Variants in GPR160 observed in about 807,000 individuals in gnomAD.
The protein encoded by GPR160 is probable G protein-coupled receptor 160.
Under a neutral mutation model 2.6 loss-of-function variants are expected in GPR160, and 2 were observed. The observed-to-expected ratio is 0.77, with a 90% confidence interval of 0.32 to 2.44. The LOEUF is 2.44. Ranked by LOEUF, GPR160 falls within the 30% of genes most tolerant of loss-of-function variation. GPR160 has a pLI of 0.11. For synonymous variants in GPR160, 130 were observed against 132.2 expected, an observed-to-expected ratio of 0.98 and a Z score of 0.12; for missense variants, 351 against 383.6, an observed-to-expected ratio of 0.91 and a Z score of 0.71.
chr3:170,084,850 GGTTT>G lies in GPR160; in HGVS notation c.879_882del (p.Trp293Ter). ...AGTTTTCTCATTGCTACAGTGTATT[GGTTT>G]AATTGTCACAAGCTTAATTTAAAAG... On this transcript the variant is annotated frameshift_variant, in exon 4 of 4. Transcript: ENST00000355897. LOFTEE classifies it high-confidence loss of function. 1 of 1,609,636 alleles carries G rather than the reference GGTTT, an allele frequency of 6.2e-7. No homozygotes were observed. Among genetic ancestry groups the G allele is most frequent in the Non-Finnish European group, 8.5e-7 (1 of 1,176,516 alleles).
rs549021195 is a variant in GPR160 at position 170,063,429 on chromosome 3, G to T, written c.-192-16345G>T. On this transcript the variant is annotated intron_variant, in intron 2 of 3. Coordinates refer to ENST00000355897, the MANE Select transcript of GPR160 (RefSeq NM_014373.3). Reference sequence around the variant, plus strand: ...CATGCCTGTAATCCCAGCCACTGGGGAGGCTGAGGCAGGAGAATCGCTTGA... The same window carrying T: ...CATGCCTGTAATCCCAGCCACTGGGTAGGCTGAGGCAGGAGAATCGCTTGA... Among the ~76,000 whole-genome samples, 9 of 151,890 alleles carry T rather than the reference G, an allele frequency of 5.9e-5. No individual in the cohort carries two copies. In the South Asian group the frequency reaches 1.5e-3, roughly 25 times the overall value.
At chr3:170,039,641 G>A (rs1716362359) in intron 2 of GPR160, among the ~76,000 whole-genome samples, 2 of 152,184 alleles carry the variant, frequency 1.3e-5, no homozygotes, top group African/African-American at 4.8e-5. Context: ...CCCGGGAGGC[G>A]GAGGTTGCAG....
chr3:170,042,548 G>A (rs1716497729), intron 2 of GPR160, among the ~76,000 whole-genome samples: 1 of 151,272 alleles, frequency 6.6e-6, no homozygotes, highest in African/African-American at 2.4e-5. Context: ...TTCATGGGCT[G>A]GGTGTGGTGG....
intron 2 of GPR160, among the ~76,000 whole-genome samples, chr3:170,078,322 C>A (rs770150196): frequency 2.6e-5 from 4 of 152,136 alleles, no homozygotes; most frequent in Non-Finnish European, 4.4e-5. Flanking sequence ...CCTCCCCCAG[C>A]CCCACCGTTA....
rs558128403 is a variant in GPR160, at chr3:170,061,281, A to T, written c.-192-18493A>T. On this transcript the variant is annotated intron_variant, in intron 2 of 3. Transcript: ENST00000355897. Reference sequence around the variant, plus strand: ...CAGAGTGAGACTCTGTCTCAAAAAAAAAAAAAAGAAAGATAAAAAACAACA... The same window carrying T: ...CAGAGTGAGACTCTGTCTCAAAAAATAAAAAAAGAAAGATAAAAAACAACA... 7.9e-5 allele frequency among the ~76,000 whole-genome samples: 12 copies of T among 151,792 alleles called. No homozygotes were observed. In the East Asian group the frequency reaches 2.3e-3, roughly 29 times the overall value.
At chr3:170,053,718 C>G (rs143983120) in intron 2 of GPR160, among the ~76,000 whole-genome samples, 2 of 152,166 alleles carry the variant, frequency 1.3e-5, no homozygotes, top group African/African-American at 4.8e-5. Flanking sequence ...ATAATGATAG[C>G]TATAGATTTT....
chr3:170,085,000 T>TAA lies in GPR160; in HGVS notation c.*14_*15dup, dbSNP rs529567697. 1.6e-3 allele frequency: 2,103 copies of TAA among 1,284,780 alleles called. 1 individual carries two copies. The highest frequency in any genetic ancestry group is 4.4e-3 in the Middle Eastern group (18 of 4,096). 79.6% of individuals were successfully genotyped at this position (1,284,780 alleles called of 1,614,324 possible). On this transcript the variant is annotated 3_prime_UTR_variant, in exon 4 of 4. Transcript: ENST00000355897. ...ATAATGATTTGTTAATATTATTAAT[T>TAA]AAAAGTTACAGCTGTCATAAGATCA...
At chr3:170,051,960 C>A (rs1716974825) in intron 2 of GPR160, among the ~76,000 whole-genome samples, 4 of 152,164 alleles carry the variant, frequency 2.6e-5, no homozygotes, top group Admixed American at 2.6e-4. Context: ...GAGTCTCACT[C>A]TGTCACCCAG....
intron 2 of GPR160, among the ~76,000 whole-genome samples, chr3:170,067,304 C>G (rs1416469408): frequency 6.6e-6 from 1 of 152,152 alleles, no homozygotes; most frequent in Non-Finnish European, 1.5e-5. Context: ...CGTGCCAGGC[C>G]TGTTTTTTTA....
At chr3:170,044,996 C>T (rs192528425) in intron 2 of GPR160, among the ~76,000 whole-genome samples, 2 of 152,304 alleles carry the variant, frequency 1.3e-5, no homozygotes, top group East Asian at 3.9e-4. Flanking sequence ...CAAACATTCT[C>T]GCTTCTGTGA....
At chr3:170,081,799 C>T (rs1157125721) in intron 3 of GPR160, among the ~76,000 whole-genome samples, 1 of 152,154 alleles carries the variant, frequency 6.6e-6, no homozygotes, top group Non-Finnish European at 1.5e-5. Flanking sequence ...TCATTTAGCT[C>T]CCACTTATAA....
At chr3:170,054,097 T>TTG (rs35080259) in intron 2 of GPR160, among the ~76,000 whole-genome samples, 47,257 of 150,270 alleles carry the variant, frequency 0.31, 7,458 homozygotes, top group East Asian at 0.5. Context: ...AAAGCAGCGT[T>TTG]TGTGTGTGTG....
chr3:170,074,267 C>T (rs1489448226), intron 2 of GPR160, among the ~76,000 whole-genome samples: 1 of 152,136 alleles, frequency 6.6e-6, no homozygotes, highest in East Asian at 1.9e-4. Context: ...TTTCATCATA[C>T]AAATTTATCG....
At position 170,048,426 on chromosome 3, in the gene GPR160, T is replaced by A. The variant is rs555166621; in HGVS notation, c.-193+9383T>A. On this transcript the variant is annotated intron_variant, in intron 2 of 3. Transcript: ENST00000355897. ...CCTAAAGCTATTAAAAAATTTTTTTTAAATAAAAAATCATTGTATTCCCCT... is the reference window on the plus strand; with the variant it reads ...CCTAAAGCTATTAAAAAATTTTTTTAAAATAAAAAATCATTGTATTCCCCT... 1.1e-4 allele frequency among the ~76,000 whole-genome samples: 16 copies of A among 152,330 alleles called. No individual in the cohort carries two copies. In the South Asian group the frequency reaches 1.9e-3, roughly 18 times the overall value.
At chr3:170,055,132 T>A (rs1488757902) in intron 2 of GPR160, among the ~76,000 whole-genome samples, 1 of 152,226 alleles carries the variant, frequency 6.6e-6, no homozygotes, top group Non-Finnish European at 1.5e-5. Flanking sequence ...AATATTCTAC[T>A]GTATGGATAT....
chr3:170,082,977 T>TG (rs1002810983), intron 3 of GPR160, among the ~76,000 whole-genome samples: 8 of 148,094 alleles, frequency 5.4e-5, no homozygotes, highest in Non-Finnish European at 1.0e-4. Flanking sequence ...TTTGGGGTTT[T>TG]TTTTTTTTTT....
At chr3:170,074,734 C>T (rs527770183) in intron 2 of GPR160, among the ~76,000 whole-genome samples, 2 of 152,102 alleles carry the variant, frequency 1.3e-5, no homozygotes, top group South Asian at 4.2e-4. Flanking sequence ...CCTCCTGCCT[C>T]GGCCTCTCAA....
chr3:170,055,677 C>T (rs1711605589), intron 2 of GPR160, among the ~76,000 whole-genome samples: 1 of 152,082 alleles, frequency 6.6e-6, no homozygotes, highest in Non-Finnish European at 1.5e-5. Flanking sequence ...CTCTGTCCCC[C>T]AGGCTGGAGT....
chr3:170,085,074 A>T lies in GPR160; in HGVS notation c.*85A>T. 1.5e-6 allele frequency: 1 copy of T among 680,662 alleles called. No individual in the cohort carries two copies. The highest frequency in any genetic ancestry group is 2.3e-6 in the Non-Finnish European group (1 of 440,768). The allele number at this position is 680,662 out of a possible 1,614,324, so 42.2% of individuals were successfully genotyped here. On this transcript the variant is annotated 3_prime_UTR_variant, in exon 4 of 4. Transcript: ENST00000355897. The stretch of plus-strand genomic sequence containing the variant: ...CAGGACATATTAAAAAATAAACTGA[A>T]CTAAAACAACTTTTGCCCCCTGACT...
Sources: gnomAD v4.1 joint callset for allele counts (sites outside exome capture counted in the v4.1 genomes callset) on GRCh38, gnomAD v4.1.1 for gene constraint, MANE v1.5 for transcripts, NCBI Gene and HGNC (gene_info 2026-07-23, HGNC 2026-07-21) for gene names.